Variants in FBXL7 observed in about 807,000 individuals in gnomAD.
FBXL7 encodes F-box and leucine rich repeat protein 7.
In FBXL7, 12 loss-of-function variants were observed where a neutral mutation model predicts 38.3. The observed-to-expected ratio is 0.31, with a 90% confidence interval of 0.20 to 0.51. The LOEUF is 0.51. Among genes scored for constraint, FBXL7 ranks in the 20% least tolerant of loss-of-function variants. The pLI is 0.98. For missense variants in FBXL7, 567 were observed against 676.4 expected (o/e 0.84, Z 1.79); for synonymous variants, 297 against 300.9 (o/e 0.99, Z 0.13).
At position 15,774,144 on chromosome 5, in the gene FBXL7, T is replaced by G. The variant is rs7720842; in HGVS notation, c.128-153746T>G. On this transcript the variant is annotated intron_variant, in intron 2 of 3. Transcript: ENST00000504595. Reference sequence around the variant, plus strand: ...TGAGGCTTTGAGAGCAGAATCTGTTTCTTTGATTTTTTTTTCAGCTTCCAG... The same window carrying G: ...TGAGGCTTTGAGAGCAGAATCTGTTGCTTTGATTTTTTTTTCAGCTTCCAG... Among the ~76,000 whole-genome samples, 278 of 152,128 alleles carry G rather than the reference T, an allele frequency of 1.8e-3. 3 individuals are homozygous for G. Among genetic ancestry groups the G allele is most frequent in the African/African-American group, 6.0e-3 (247 of 41,448 alleles).
At chr5:15,703,534 T>C (rs531042987) in intron 2 of FBXL7, among the ~76,000 whole-genome samples, 91 of 152,342 alleles carry the variant, frequency 6.0e-4, no homozygotes, top group Non-Finnish European at 1.1e-3. Flanking sequence ...TTTTTGTGCA[T>C]GCATAAAACA....
At chr5:15,518,923 C>T (rs1441894424) in intron 1 of FBXL7, among the ~76,000 whole-genome samples, 2 of 152,096 alleles carry the variant, frequency 1.3e-5, no homozygotes, top group Admixed American at 6.6e-5. Flanking sequence ...GGCCCGCCCA[C>T]GAGAAACAAT....
In FBXL7 at chr5:15,894,677, A is replaced by G. The variant is rs143385303; in HGVS notation, c.128-33213A>G. Among the ~76,000 whole-genome samples, 417 of 152,254 alleles carry G rather than the reference A, an allele frequency of 2.7e-3. 3 individuals carry two copies. Among genetic ancestry groups the G allele is most frequent in the African/African-American group, 9.4e-3 (390 of 41,548 alleles). ...AAGGAGAATATTCTGCCACATTTTT[A>G]GTAGGTATGTATGGAATATGTCAAA... On this transcript the variant is annotated intron_variant, in intron 2 of 3. Coordinates refer to ENST00000504595, the MANE Select transcript of FBXL7 (RefSeq NM_012304.5).
intron 1 of FBXL7, among the ~76,000 whole-genome samples, chr5:15,527,697 G>GAAA (rs1431948186): frequency 6.6e-6 from 1 of 152,130 alleles, no homozygotes; most frequent in African/African-American, 2.4e-5. Flanking sequence ...CAGTTGTATG[G>GAAA]TTCATAAGCT....
chr5:15,838,966 A>G lies in FBXL7; in HGVS notation c.128-88924A>G, dbSNP rs117626605. On this transcript the variant is annotated intron_variant, in intron 2 of 3. Coordinates refer to ENST00000504595, the MANE Select transcript of FBXL7 (RefSeq NM_012304.5). ...TAACAGTAACTGCCACTAAATTACTATAATTATGTATTTGGTTTTGCTTGT... is the reference window on the plus strand; with the variant it reads ...TAACAGTAACTGCCACTAAATTACTGTAATTATGTATTTGGTTTTGCTTGT... Among the ~76,000 whole-genome samples, 152 of 152,328 alleles carry G rather than the reference A, an allele frequency of 1.0e-3. 1 individual carries two copies. In the East Asian group the frequency reaches 0.025, roughly 25 times the overall value.
At chr5:15,894,276 CA>C (rs1215492491) in intron 2 of FBXL7, among the ~76,000 whole-genome samples, 2 of 152,114 alleles carry the variant, frequency 1.3e-5, no homozygotes, top group African/African-American at 4.8e-5. Flanking sequence ...ACAAAACAAA[CA>C]AAACAAACAA....
At chr5:15,704,622 G>T (rs1743625835) in intron 2 of FBXL7, among the ~76,000 whole-genome samples, 2 of 152,148 alleles carry the variant, frequency 1.3e-5, no homozygotes, top group African/African-American at 2.4e-5. Context: ...AGGATATACT[G>T]CATTTCTTCT....
intron 1 of FBXL7, among the ~76,000 whole-genome samples, chr5:15,546,365 G>C (rs557661604): frequency 6.6e-6 from 1 of 152,036 alleles, no homozygotes; most frequent in African/African-American, 2.4e-5. Context: ...TCAGGAGTTC[G>C]ACACCAGCCT....
intron 2 of FBXL7, among the ~76,000 whole-genome samples, chr5:15,886,471 G>A (rs2126357690): frequency 6.6e-6 from 1 of 152,280 alleles, no homozygotes; most frequent in Non-Finnish European, 1.5e-5. Flanking sequence ...ACTCCAAAAA[G>A]CATTTCCTTT....
At chr5:15,764,455 A>G (rs1736531775) in intron 2 of FBXL7, among the ~76,000 whole-genome samples, 1 of 152,214 alleles carries the variant, frequency 6.6e-6, no homozygotes, top group Admixed American at 6.5e-5. Context: ...AGACAGGTGT[A>G]AAGAAGTAAG....
intron 2 of FBXL7, among the ~76,000 whole-genome samples, chr5:15,729,624 G>A (rs1334555868): frequency 6.6e-6 from 1 of 152,064 alleles, no homozygotes; most frequent in Non-Finnish European, 1.5e-5. Flanking sequence ...CTTTTTAAAG[G>A]CAGTGTTGGC....
chr5:15,711,564 G>A (rs1292952455), intron 2 of FBXL7, among the ~76,000 whole-genome samples: 1 of 152,190 alleles, frequency 6.6e-6, no homozygotes, highest in Non-Finnish European at 1.5e-5. Flanking sequence ...ATCCATAACA[G>A]GTGGTCAGGG....
intron 2 of FBXL7, among the ~76,000 whole-genome samples, chr5:15,618,452 C>T (rs1036912350): frequency 6.6e-6 from 1 of 152,086 alleles, no homozygotes; most frequent in Admixed American, 6.5e-5. Context: ...TATTAAAAAA[C>T]ATAGAATAGG....
At chr5:15,882,897 A>G (rs939747623) in intron 2 of FBXL7, among the ~76,000 whole-genome samples, 2 of 150,622 alleles carry the variant, frequency 1.3e-5, no homozygotes, top group Admixed American at 1.3e-4. Context: ...TGAAAATAAT[A>G]TAAGAGTATT....
intron 2 of FBXL7, among the ~76,000 whole-genome samples, chr5:15,821,508 C>T (rs956863259): frequency 1.3e-5 from 2 of 152,172 alleles, no homozygotes; most frequent in African/African-American, 2.4e-5. Context: ...GGATGTTGGG[C>T]AATTTACTTA....
chr5:15,607,528 A>C (rs892662299), intron 1 of FBXL7, among the ~76,000 whole-genome samples: 1 of 152,170 alleles, frequency 6.6e-6, no homozygotes, highest in Non-Finnish European at 1.5e-5. Context: ...TTAGTTTTGC[A>C]TAGTACCTAT....
At chr5:15,738,692 G>A (rs941177832) in intron 2 of FBXL7, among the ~76,000 whole-genome samples, 1 of 152,236 alleles carries the variant, frequency 6.6e-6, no homozygotes, top group African/African-American at 2.4e-5. Context: ...TAGGGAGGAA[G>A]CTGAGGAGTC....
intron 2 of FBXL7, among the ~76,000 whole-genome samples, chr5:15,687,540 A>G (rs1015684109): frequency 2.0e-5 from 3 of 152,214 alleles, no homozygotes; most frequent in Non-Finnish European, 4.4e-5. Context: ...CATTTCATAG[A>G]GCTGTAGGAC....
chr5:15,713,760 C>T (rs578149631), intron 2 of FBXL7, among the ~76,000 whole-genome samples: 12 of 152,222 alleles, frequency 7.9e-5, no homozygotes, highest in African/African-American at 2.9e-4. Flanking sequence ...TCTTCTGAGA[C>T]AGCAGTGCAC....
Sources: gnomAD v4.1 joint callset for allele counts (sites outside exome capture counted in the v4.1 genomes callset) on GRCh38, gnomAD v4.1.1 for gene constraint, MANE v1.5 for transcripts, NCBI Gene and HGNC (gene_info 2026-07-23, HGNC 2026-07-21) for gene names.